The following PPP1R16B variants were observed in gnomAD, a reference collection of about 807,000 sequenced individuals.
PPP1R16B encodes the protein protein phosphatase 1 regulatory subunit 16B.
In PPP1R16B, 14 loss-of-function variants were observed where a neutral mutation model predicts 61.7. The ratio of observed to expected loss-of-function variants is 0.23; its 90% CI spans 0.15 to 0.35. The LOEUF (loss-of-function observed/expected upper bound fraction) is 0.35. Ranked by LOEUF, PPP1R16B falls within the 10% of genes least tolerant of loss-of-function variation. The probability of loss-of-function intolerance (pLI) is 1.00; values close to 1 mark genes in which losing one functional copy is unlikely to be tolerated. For missense variants in PPP1R16B, 547 were observed against 752.5 expected (o/e 0.73, Z 3.19); for synonymous variants, 266 against 305.3 (o/e 0.87, Z 1.34).
chr20:38,892,170 C>T (rs985928579), intron 3 of PPP1R16B, among the ~76,000 whole-genome samples: 1 of 152,142 alleles, frequency 6.6e-6, no homozygotes, highest in African/African-American at 2.4e-5. Context: ...CTCTGAGCCC[C>T]AGGTCCCCTG....
rs528925807 is a variant in PPP1R16B at position 38,864,629 on chromosome 20, C to T, written c.251-24966C>T. Among the ~76,000 whole-genome samples the T allele has an allele frequency of 8.5e-5, 13 of 152,256 alleles. No homozygotes were observed. The South Asian group carries it at 2.1e-3, about 24-fold the overall frequency. ...GAACTGAACCGCCACCGTAAGCTGCCCCCCACTGCAACCAGAGGTCGGACT... is the reference window on the plus strand; with the variant it reads ...GAACTGAACCGCCACCGTAAGCTGCTCCCCACTGCAACCAGAGGTCGGACT... On this transcript the variant is annotated intron_variant, in intron 2 of 10. Transcript: ENST00000299824.
At chr20:38,817,888 CA>C (rs2084748757) in intron 1 of PPP1R16B, among the ~76,000 whole-genome samples, 1 of 152,042 alleles carries the variant, frequency 6.6e-6, no homozygotes, top group Non-Finnish European at 1.5e-5. Flanking sequence ...ACTAAAAATA[CA>C]AAAAATTAGC....
chr20:38,821,597 C>A (rs2084773895), intron 1 of PPP1R16B, among the ~76,000 whole-genome samples: 1 of 152,124 alleles, frequency 6.6e-6, no homozygotes, highest in Non-Finnish European at 1.5e-5. Context: ...AAAAAATGGT[C>A]ATTGAAATAA....
chr20:38,918,969 G>A lies in PPP1R16B; in HGVS notation c.*303G>A. 3.1e-6 allele frequency: 1 copy of A among 323,186 alleles called. No individual in the cohort carries two copies. Among genetic ancestry groups the A allele is most frequent in the Non-Finnish European group, 5.7e-6 (1 of 176,286 alleles). The allele number at this position is 323,186 out of a possible 1,614,324, so 20.0% of individuals were successfully genotyped here. A position where few individuals can be genotyped will look rare whatever the true frequency, so the allele number is the denominator to read the frequency against. ...TCCCAGCTCTATTCTTGGTATAAAGGCTTCTCCGGATCAGTACATGCATGT... is the reference window on the plus strand; with the variant it reads ...TCCCAGCTCTATTCTTGGTATAAAGACTTCTCCGGATCAGTACATGCATGT... On this transcript the variant is annotated 3_prime_UTR_variant, in exon 11 of 11. Coordinates refer to ENST00000299824, the MANE Select transcript of PPP1R16B (RefSeq NM_015568.4). The surrounding 1 kb of genome is among the most constrained non-coding windows in gnomAD (Gnocchi z 5.3).
At chr20:38,841,711 T>C (rs1341282883) in intron 2 of PPP1R16B, among the ~76,000 whole-genome samples, 1 of 152,250 alleles carries the variant, frequency 6.6e-6, no homozygotes, top group Non-Finnish European at 1.5e-5. Flanking sequence ...CTTCTTTCAT[T>C]CAGAATACTG....
chr20:38,830,875 A>G (rs1010851768), intron 1 of PPP1R16B, among the ~76,000 whole-genome samples: 4 of 152,230 alleles, frequency 2.6e-5, no homozygotes, highest in African/African-American at 7.2e-5. Flanking sequence ...TGAAAGGGAT[A>G]AAGTGCTGTA....
rs551009272 is a variant in PPP1R16B, at chr20:38,902,409, C to A, written c.572-259C>A. On this transcript the variant is annotated intron_variant, in intron 5 of 10. Transcript: ENST00000299824. ...TGTGTAGGTGGATGGTAAGGACTTT[C>A]AGGTAGAAGAACAGCATATGCAAAG... is the stretch of plus-strand genomic sequence containing the variant. Among the ~76,000 whole-genome samples the A allele has an allele frequency of 2.2e-4, 34 of 152,312 alleles. No homozygotes were observed. The South Asian group carries it at 6.8e-3, about 31-fold the overall frequency.
rs374644400 is a variant in PPP1R16B, at chr20:38,826,156, C to T, written c.-101-9669C>T. Among the ~76,000 whole-genome samples the T allele has an allele frequency of 8.5e-5, 13 of 152,110 alleles. No homozygotes were observed. The East Asian group carries it at 2.1e-3, about 25-fold the overall frequency. On this transcript the variant is annotated intron_variant, in intron 1 of 10. Transcript: ENST00000299824. ...TGTGTTCGGTAGCCACAGGTGGCCT[C>T]CTTTGGAAAATGATCCCTCCAGCTG... is the stretch of plus-strand genomic sequence containing the variant.
At chr20:38,883,094 T>G (rs1027037093) in intron 2 of PPP1R16B, among the ~76,000 whole-genome samples, 3 of 151,550 alleles carry the variant, frequency 2.0e-5, no homozygotes, top group African/African-American at 7.3e-5. Flanking sequence ...GGAAGAGAGA[T>G]AGGAGGGCAG....
intron 2 of PPP1R16B, among the ~76,000 whole-genome samples, chr20:38,867,726 G>A (rs540140227): frequency 1.3e-5 from 2 of 151,664 alleles, no homozygotes; most frequent in South Asian, 4.2e-4. Flanking sequence ...AGGCTGGAGT[G>A]CCATGGTGTG....
In PPP1R16B at chr20:38,921,590, A is replaced by C. The variant is rs1383436107; in HGVS notation, c.*2924A>C. ...CACCCCTGGATAACATTTGCCACCA[A>C]GTATAGATGCTGGATCTTGGGTTCC... On this transcript the variant is annotated 3_prime_UTR_variant, in exon 11 of 11. Transcript: ENST00000299824. The C allele has an allele frequency of 6.6e-6, 1 of 152,190 alleles. No homozygotes were observed. The highest frequency in any genetic ancestry group is 1.5e-5 in the Non-Finnish European group (1 of 68,026). 9.4% of individuals were successfully genotyped at this position (152,190 alleles called of 1,614,324 possible). A position where few individuals can be genotyped will look rare whatever the true frequency, so the allele number is the denominator to read the frequency against.
chr20:38,860,079 C>T (rs1299751894), intron 2 of PPP1R16B, among the ~76,000 whole-genome samples: 1 of 152,176 alleles, frequency 6.6e-6, no homozygotes, highest in East Asian at 1.9e-4. Flanking sequence ...GTTCAAGTGA[C>T]TCTCCTGCCT....
In PPP1R16B at chr20:38,922,078, G is replaced by A. The variant is rs1047765638; in HGVS notation, c.*3412G>A. The A allele has an allele frequency of 1.1e-4, 17 of 152,390 alleles. No individual in the cohort carries two copies. Among genetic ancestry groups the A allele is most frequent in the African/African-American group, 4.1e-4 (17 of 41,580 alleles). 9.4% of individuals were successfully genotyped at this position (152,390 alleles called of 1,614,324 possible). ...AAGTTGGCGGTTATCACCAGACTGT[G>A]AGTTTCTGGCAAGTAGCTTGGGGAA... On this transcript the variant is annotated 3_prime_UTR_variant, in exon 11 of 11. Coordinates refer to ENST00000299824, the MANE Select transcript of PPP1R16B (RefSeq NM_015568.4).
chr20:38,812,261 G>A (rs1406092672), intron 1 of PPP1R16B, among the ~76,000 whole-genome samples: 1 of 152,184 alleles, frequency 6.6e-6, no homozygotes, highest in African/African-American at 2.4e-5. Context: ...TCTTTATCTG[G>A]AAAGTAGGCT....
Position 38,906,054 on chromosome 20 carries a change from A to G in PPP1R16B, c.782A>G (p.Asp261Gly). Reference sequence around the variant, plus strand: ...GTGCGTGTGGATGTGAAGGACTGGGATGGCTGGGAGCCCCTGCATGCAGCT... The same window carrying G: ...GTGCGTGTGGATGTGAAGGACTGGGGTGGCTGGGAGCCCCTGCATGCAGCT... ...HGVRVDVKDW[D>G]GWEPLHAAAF... The change falls in exon 7 of 11, where the codon GAT (aspartate) becomes GGT (glycine). Residue 261 changes from aspartate to glycine, a missense_variant. Asp to Gly is a moderately conservative substitution (Grantham distance 94). Coordinates refer to ENST00000299824, the MANE Select transcript of PPP1R16B (RefSeq NM_015568.4). 1 of 1,613,530 alleles carries G rather than the reference A, an allele frequency of 6.2e-7. No individual in the cohort carries two copies. Among genetic ancestry groups the G allele is most frequent in the East Asian group, 2.2e-5 (1 of 44,862 alleles).
chr20:38,831,623 T>C (rs531018862), intron 1 of PPP1R16B, among the ~76,000 whole-genome samples: 1 of 151,804 alleles, frequency 6.6e-6, no homozygotes, highest in Non-Finnish European at 1.5e-5. Flanking sequence ...GTATGTGCCC[T>C]ATCTAAAGGG....
At chr20:38,900,505 G>A in intron 4 of PPP1R16B, 76 bp from the exon 5 acceptor site, 1 of 1,143,256 alleles carries the variant, frequency 8.7e-7, no homozygotes, top group Non-Finnish European at 1.3e-6. Flanking sequence ...TTGCAGGCGA[G>A]AGGCCAGAGG....
At chr20:38,855,160 C>T (rs113193994) in intron 2 of PPP1R16B, among the ~76,000 whole-genome samples, 110 of 152,224 alleles carry the variant, frequency 7.2e-4, no homozygotes, top group Non-Finnish European at 1.4e-3. Context: ...GACCATAGAC[C>T]TCATGGTGCC....
chr20:38,835,868 C>T lies in PPP1R16B; in HGVS notation c.-58C>T, dbSNP rs1157206561. On this transcript the variant is annotated 5_prime_UTR_variant, in exon 2 of 11. Coordinates refer to ENST00000299824, the MANE Select transcript of PPP1R16B (RefSeq NM_015568.4). ...AGCCCCACCAGAGGCCCCGCGCTGC[C>T]CTGGCCCCCGGTGCACCGTGCTAGC... 2.0e-6 allele frequency: 3 copies of T among 1,472,070 alleles called. No individual in the cohort carries two copies. The highest frequency in any genetic ancestry group is 2.7e-6 in the Non-Finnish European group (3 of 1,114,474). The allele number at this position is 1,472,070 out of a possible 1,614,324, so 91.2% of individuals were successfully genotyped here.
Sources: gnomAD v4.1 joint callset for allele counts (sites outside exome capture counted in the v4.1 genomes callset) on GRCh38, gnomAD v4.1.1 for gene constraint, Gnocchi (gnomAD v3.1) non-coding constraint, MANE v1.5 for transcripts, NCBI Gene and HGNC (gene_info 2026-07-23, HGNC 2026-07-21) for gene names.